Variants in SDC1 observed in about 807,000 individuals in gnomAD.
The protein encoded by SDC1 is syndecan 1, also known as syndecan-1.
Under a neutral mutation model 29.7 loss-of-function variants are expected in SDC1, and 14 were observed. The observed-to-expected ratio is 0.47, with a 90% CI of 0.31 to 0.74. The LOEUF is 0.74. Ranked by LOEUF, SDC1 falls within the 30% of genes least tolerant of loss-of-function variation. The pLI is 0.05. For missense variants in SDC1, 406 were observed against 400.3 expected (o/e 1.01, Z -0.12); for synonymous variants, 204 against 175.5 (o/e 1.16, Z -1.29).
chr2:20,208,637 C>G (rs1677363168), intron 1 of SDC1, among the ~76,000 whole-genome samples: 1 of 152,190 alleles, frequency 6.6e-6, no homozygotes, highest in Non-Finnish European at 1.5e-5. Context: ...TTTAGCAGGC[C>G]TGCTGTGCTG....
chr2:20,216,838 C>G (rs908725980), intron 1 of SDC1, among the ~76,000 whole-genome samples: 3 of 152,220 alleles, frequency 2.0e-5, no homozygotes, highest in Non-Finnish European at 4.4e-5. Flanking sequence ...GCAATCCTCA[C>G]CGTACGCATC....
In SDC1 at chr2:20,224,872, CCCGGA is replaced by C. The variant is rs1397769189; in HGVS notation, c.-10_-6del. The stretch of plus-strand genomic sequence containing the variant: ...CCAGAGCGCCGCGCGCCTCATGCTG[CCCGGA>C]CCGGCGGCGGGAGAGCGGCAGGCTG... On this transcript the variant is annotated 5_prime_UTR_variant, in exon 1 of 5. Coordinates refer to ENST00000254351, the MANE Select transcript of SDC1 (RefSeq NM_002997.5). This position sits in a 1 kb window ranked among gnomAD's most constrained non-coding sequence, Gnocchi z 4.9. 3.3e-6 allele frequency: 4 copies of C among 1,224,962 alleles called. No homozygotes were observed. Among genetic ancestry groups the C allele is most frequent in the African/African-American group, 1.6e-5 (1 of 63,656 alleles). The allele number at this position is 1,224,962 out of a possible 1,614,324, so 75.9% of individuals were successfully genotyped here.
chr2:20,202,938 A>T lies in SDC1; in HGVS notation c.764-3T>A. 2 of 1,604,590 alleles carry T rather than the reference A, an allele frequency of 1.2e-6. No homozygotes were observed. The highest frequency in any genetic ancestry group is 2.2e-5 in the South Asian group (2 of 90,218). The stretch of plus-strand genomic sequence containing the variant: ...CACGAGGCCTCCGGCAATGACCCCT[A>T]GGGCAGGTAGACGGGGCCAGCTCAG... On this transcript the variant is annotated splice_region_variant and splice_polypyrimidine_tract_variant and intron_variant, in intron 4 of 4. Transcript: ENST00000254351.
intron 1 of SDC1, among the ~76,000 whole-genome samples, chr2:20,209,630 A>G (rs1183024809): frequency 6.6e-6 from 1 of 152,250 alleles, no homozygotes; most frequent in African/African-American, 2.4e-5. Flanking sequence ...GCACATCTGA[A>G]GTCTGTGGGC....
At chr2:20,214,496 C>T (rs769624911) in intron 1 of SDC1, among the ~76,000 whole-genome samples, 13 of 152,188 alleles carry the variant, frequency 8.5e-5, no homozygotes, top group Non-Finnish European at 1.5e-4. Flanking sequence ...AGATTACTGG[C>T]AGGGCCCCAG....
intron 1 of SDC1, among the ~76,000 whole-genome samples, chr2:20,221,619 A>G (rs1677821282): frequency 6.6e-6 from 1 of 152,200 alleles, no homozygotes; most frequent in African/African-American, 2.4e-5. Flanking sequence ...AGCTTGATGA[A>G]AAAATATGAA....
rs1399377643 is a variant in SDC1 at position 20,204,361 on chromosome 2, G to A, written c.149-70C>T. ...GAGGACCAGAAGCAGAGTGTGTTGG[G>A]TGGGTCGGGGGAGGCTCCAGAGCAC... On this transcript the variant is annotated intron_variant, in intron 2 of 4. Transcript: ENST00000254351. 4 of 997,762 alleles carry A rather than the reference G, an allele frequency of 4.0e-6. No individual in the cohort carries two copies. The African/African-American group carries it at 4.8e-5, about 12-fold the overall frequency. The allele number at this position is 997,762 out of a possible 1,614,324, so 61.8% of individuals were successfully genotyped here. A position where few individuals can be genotyped will look rare whatever the true frequency, so the allele number is the denominator to read the frequency against.
Position 20,204,002 on chromosome 2 carries a change from C to T in SDC1, c.438G>A (p.Gln146=). 1 of 1,613,520 alleles carries T rather than the reference C, an allele frequency of 6.2e-7. No individual in the cohort carries two copies. The change falls in exon 3 of 5, where the codon CAG becomes CAA. Residue 146 remains glutamine, a synonymous_variant. Transcript: ENST00000254351. ...TGTGGGGGTGGGAGGTGGCGGGCTCCTGGGCCGTGGTGGCTGTGGTCGTTG... is the reference window on the plus strand; with the variant it reads ...TGTGGGGGTGGGAGGTGGCGGGCTCTTGGGCCGTGGTGGCTGTGGTCGTTG... The part of the protein sequence containing the change: ...LASTTTATTA[Q]EPATSHPHRD...
intron 1 of SDC1, among the ~76,000 whole-genome samples, chr2:20,222,944 G>A (rs1677867485): frequency 6.6e-6 from 1 of 152,184 alleles, no homozygotes; most frequent in South Asian, 2.1e-4. Context: ...GATGCCCAGC[G>A]GTCCAGGGAG....
At position 20,224,744 on chromosome 2, in the gene SDC1, G is replaced by A. The variant is rs1677936418; in HGVS notation, c.66+58C>T. 7.9e-7 allele frequency: 1 copy of A among 1,264,072 alleles called. No homozygotes were observed. Among genetic ancestry groups the A allele is most frequent in the South Asian group, 2.5e-5 (1 of 40,498 alleles). 78.3% of individuals were successfully genotyped at this position (1,264,072 alleles called of 1,614,324 possible). ...CCTCCACGTGCACCCGCCGGCATCC[G>A]CGGGTGACCAGTCCCGGCTTCCCGC... On this transcript the variant is annotated intron_variant, in intron 1 of 4. Coordinates refer to ENST00000254351, the MANE Select transcript of SDC1 (RefSeq NM_002997.5). This position sits in a 1 kb window ranked among gnomAD's most constrained non-coding sequence, Gnocchi z 4.9.
intron 1 of SDC1, chr2:20,208,162 T>C (rs1677341761): frequency 1.0e-5 from 10 of 975,312 alleles, no homozygotes; most frequent in Non-Finnish European, 1.1e-5. Flanking sequence ...ACACACACAC[T>C]GGGGCCCATG....
At position 20,202,440 on chromosome 2, in the gene SDC1, T is replaced by TCC. The variant is rs1257089381; in HGVS notation, c.*324_*325dup. 1.7e-6 allele frequency: 1 copy of TCC among 605,420 alleles called. No individual in the cohort carries two copies. The highest frequency in any genetic ancestry group is 1.9e-5 in the African/African-American group (1 of 53,572). The allele number at this position is 605,420 out of a possible 1,614,324, so 37.5% of individuals were successfully genotyped here. A position where few individuals can be genotyped will look rare whatever the true frequency, so the allele number is the denominator to read the frequency against. On this transcript the variant is annotated 3_prime_UTR_variant, in exon 5 of 5. Coordinates refer to ENST00000254351, the MANE Select transcript of SDC1 (RefSeq NM_002997.5). The stretch of plus-strand genomic sequence containing the variant: ...GCCATTTAGGTCCAAAGCAGTCGGA[T>TCC]CCCCCTCCCCTCCAGAGCTGGACCT...
rs765157200 is a variant in SDC1 at position 20,203,855 on chromosome 2, T to C, written c.585A>G (p.Gly195=). The change falls in exon 3 of 5, where the codon GGA becomes GGG. Residue 195 remains glycine, a synonymous_variant. Coordinates refer to ENST00000254351, the MANE Select transcript of SDC1 (RefSeq NM_002997.5). The stretch of plus-strand genomic sequence containing the variant: ...CTGCTGCTGGGAGCTGACTGGAGGC[T>C]CCATCCTCAGCAGCCCTCTCGGTGG... The part of the protein sequence containing the change: ...PSATERAAED[G]ASSQLPAAEG... 30 of 1,606,736 alleles carry C rather than the reference T, an allele frequency of 1.9e-5. No homozygotes were observed. Among genetic ancestry groups the C allele is most frequent in the Non-Finnish European group, 1.3e-5 (15 of 1,177,938 alleles).
At chr2:20,221,206 G>A (rs1026207112) in intron 1 of SDC1, among the ~76,000 whole-genome samples, 6 of 152,166 alleles carry the variant, frequency 3.9e-5, no homozygotes, top group African/African-American at 1.4e-4. Context: ...TCACAGGCAA[G>A]GCCCTTACCC....
chr2:20,219,805 G>GACC (rs1475260159), intron 1 of SDC1, among the ~76,000 whole-genome samples: 2 of 152,244 alleles, frequency 1.3e-5, no homozygotes, highest in African/African-American at 4.8e-5. Context: ...ATCGCCTAAT[G>GACC]ACCAGTTCCT....
intron 1 of SDC1, among the ~76,000 whole-genome samples, chr2:20,211,811 G>A (rs1052711318): frequency 3.9e-5 from 6 of 152,230 alleles, no homozygotes; most frequent in African/African-American, 1.4e-4. Flanking sequence ...ACTGCCTTCC[G>A]AACGCCTCAG....
At chr2:20,220,465 T>C (rs868683196) in intron 1 of SDC1, among the ~76,000 whole-genome samples, 21 of 152,162 alleles carry the variant, frequency 1.4e-4, no homozygotes, top group African/African-American at 5.1e-4. Context: ...AGTGGGGCAA[T>C]GATATATATT....
At chr2:20,218,734 T>C (rs1055739953) in intron 1 of SDC1, among the ~76,000 whole-genome samples, 30 of 144,894 alleles carry the variant, frequency 2.1e-4, no homozygotes, top group African/African-American at 7.0e-4. Flanking sequence ...CACACACACG[T>C]ACATGGACAA....
chr2:20,212,262 C>T (rs1004055346), intron 1 of SDC1, among the ~76,000 whole-genome samples: 3 of 152,176 alleles, frequency 2.0e-5, no homozygotes, highest in Non-Finnish European at 4.4e-5. Context: ...GACAGTCTGG[C>T]CTCTGTCCCT....
Sources: allele counts gnomAD v4.1 joint callset (sites outside exome capture counted in the v4.1 genomes callset), GRCh38; gene constraint gnomAD v4.1.1; non-coding constraint Gnocchi (gnomAD v3.1); transcripts MANE v1.5; gene names NCBI Gene and HGNC (gene_info 2026-07-23, HGNC 2026-07-21).